KCNK10: variants seen among roughly 807,000 people sequenced by gnomAD.
The protein encoded by KCNK10 is potassium channel subfamily K member 10.
A neutral mutation model predicts 47.7 loss-of-function variants in KCNK10; 25 were observed. The ratio of observed to expected loss-of-function variants is 0.52; its 90% CI spans 0.38 to 0.73. KCNK10 has a LOEUF of 0.73. Among genes scored for constraint, KCNK10 ranks in the 30% least tolerant of loss-of-function variants. The pLI is 0.00. For missense variants in KCNK10, 563 were observed against 714.5 expected, an observed-to-expected ratio of 0.79 and a Z score of 2.42; for synonymous variants, 303 against 285.6, an observed-to-expected ratio of 1.06 and a Z score of -0.61.
At chr14:88,290,970 G>A (rs115232867) in intron 1 of KCNK10, among the ~76,000 whole-genome samples, 1,676 of 152,326 alleles carry the variant, frequency 0.011, 37 homozygotes, top group African/African-American at 0.038. Flanking sequence ...TGGCAGAACC[G>A]TGCTGTGGGA....
At chr14:88,270,244 G>C (rs1887370309) in intron 1 of KCNK10, among the ~76,000 whole-genome samples, 1 of 152,184 alleles carries the variant, frequency 6.6e-6, no homozygotes, top group Non-Finnish European at 1.5e-5. Context: ...GGGGAGGGAG[G>C]GTGTTAGGAA....
Position 88,185,625 on chromosome 14 carries a change from C to A in KCNK10, c.1542G>T (p.Gln514His), listed in dbSNP as rs1269715260. The A allele has an allele frequency of 8.1e-5, 131 of 1,614,088 alleles. No individual in the cohort carries two copies. Among genetic ancestry groups the A allele is most frequent in the Non-Finnish European group, 1.1e-4 (130 of 1,180,026 alleles). The part of the protein sequence containing the change: ...SSTAMLTDCI[Q>H]QHAELENGMI... ...TTCCGTTCTCCAACTCAGCGTGCTG[C>A]TGGATACAGTCCGTCAGCATGGCTG... The change falls in exon 7 of 7, where the codon CAG becomes CAT. Residue 514 changes from glutamine (Q) to histidine (H), a missense_variant. By Grantham distance (24) the Gln-to-His change is conservative. Coordinates refer to ENST00000319231, the MANE Select transcript of KCNK10 (RefSeq NM_138317.3). The surrounding 1 kb of genome is among the most constrained non-coding windows in gnomAD (Gnocchi z 4.3).
At chr14:88,212,117 T>TATATATATATATATATAC (rs2139852479) in intron 4 of KCNK10, among the ~76,000 whole-genome samples, 1 of 73,210 alleles carries the variant, frequency 1.4e-5, no homozygotes, top group South Asian at 3.3e-4. Context: ...AGAATATATA[T>TATATATATATATATATAC]ATATATATAT....
rs1186132501 is a variant in KCNK10 at position 88,322,859 on chromosome 14, G to C, written c.-61C>G. ...ACCCAAATAATAATAAAGTCCTCAA[G>C]CTTTACACGCCTCGGTTTAGCAGTC... is the stretch of plus-strand genomic sequence containing the variant. On this transcript the variant is annotated 5_prime_UTR_variant, in exon 1 of 7. Transcript: ENST00000319231. This position sits in a 1 kb window ranked among gnomAD's most constrained non-coding sequence, Gnocchi z 4.8. The C allele has an allele frequency of 3.1e-6, 5 of 1,612,808 alleles. No homozygotes were observed. The Admixed American group carries it at 6.7e-5, about 22-fold the overall frequency.
At chr14:88,249,858 AT>A (rs1886745678) in intron 2 of KCNK10, among the ~76,000 whole-genome samples, 1 of 152,140 alleles carries the variant, frequency 6.6e-6, no homozygotes, top group South Asian at 2.1e-4. Context: ...GGCATCTTGC[AT>A]TTTTTATTGT....
chr14:88,320,867 C>G lies in KCNK10; in HGVS notation c.52+1880G>C, dbSNP rs188208172. ...TTAGATAAATACTATACTCTTCCAA[C>G]CCCACAATGCTACCCCACCTCCAAC... On this transcript the variant is annotated intron_variant, in intron 1 of 6. Coordinates refer to ENST00000319231, the MANE Select transcript of KCNK10 (RefSeq NM_138317.3). Among the ~76,000 whole-genome samples, 97 of 152,256 alleles carry G rather than the reference C, an allele frequency of 6.4e-4. 3 individuals carry two copies. The East Asian group carries it at 0.019, about 29-fold the overall frequency.
chr14:88,228,960 G>C (rs1227691984), intron 3 of KCNK10, among the ~76,000 whole-genome samples: 2 of 152,074 alleles, frequency 1.3e-5, no homozygotes, highest in Non-Finnish European at 2.9e-5. Context: ...TACCCCTCTA[G>C]AATGGTCAAG....
chr14:88,262,622 G>A (rs1478530611), intron 2 of KCNK10, among the ~76,000 whole-genome samples: 1 of 152,064 alleles, frequency 6.6e-6, no homozygotes, highest in Non-Finnish European at 1.5e-5. Flanking sequence ...GTATGTAAAG[G>A]CCTTAGTACA....
At chr14:88,323,365 C>G (rs1595137814), upstream of KCNK10, 1 of 914,086 alleles carries the variant, frequency 1.1e-6, no homozygotes, top group East Asian at 1.2e-4. Context: ...ACTTCCCGCT[C>G]CCCGAAAGCC....
intron 2 of KCNK10, among the ~76,000 whole-genome samples, chr14:88,258,799 T>G (rs558348961): frequency 1.2e-4 from 19 of 152,318 alleles, no homozygotes; most frequent in Non-Finnish European, 2.6e-4. Flanking sequence ...CAGTACCCCA[T>G]GAAGTGGTCT....
At chr14:88,261,311 CACA>C (rs1243410916) in intron 2 of KCNK10, among the ~76,000 whole-genome samples, 1 of 152,194 alleles carries the variant, frequency 6.6e-6, no homozygotes, top group African/African-American at 2.4e-5. Context: ...TACCTCATAT[CACA>C]ACAATGTGTA....
At chr14:88,305,347 T>C (rs1888183924) in intron 1 of KCNK10, among the ~76,000 whole-genome samples, 1 of 152,172 alleles carries the variant, frequency 6.6e-6, no homozygotes, top group South Asian at 2.1e-4. Context: ...TTACCATAAA[T>C]GATGAGAATC....
intron 2 of KCNK10, among the ~76,000 whole-genome samples, chr14:88,252,448 G>A (rs939406929): frequency 1.3e-5 from 2 of 152,162 alleles, no homozygotes; most frequent in African/African-American, 4.8e-5. Flanking sequence ...TGAGTGACTC[G>A]GGTCTTGGCA....
At chr14:88,187,077 C>T (rs1158019672) in intron 6 of KCNK10, among the ~76,000 whole-genome samples, 1 of 152,202 alleles carries the variant, frequency 6.6e-6, no homozygotes, top group Non-Finnish European at 1.5e-5. Flanking sequence ...GGTCAGTTAG[C>T]TGTCTGGGGA....
At chr14:88,309,700 G>A (rs780244201) in intron 1 of KCNK10, among the ~76,000 whole-genome samples, 16 of 152,230 alleles carry the variant, frequency 1.1e-4, no homozygotes, top group Non-Finnish European at 1.8e-4. Flanking sequence ...TTAGCATTAC[G>A]GGTTCATAGA....
intron 1 of KCNK10, among the ~76,000 whole-genome samples, chr14:88,312,898 C>G (rs532699420): frequency 6.6e-6 from 1 of 152,176 alleles, no homozygotes; most frequent in Non-Finnish European, 1.5e-5. Flanking sequence ...CACTGTCTTT[C>G]TAGAATAATG....
At chr14:88,246,181 T>C (rs1312348641) in intron 2 of KCNK10, among the ~76,000 whole-genome samples, 2 of 144,122 alleles carry the variant, frequency 1.4e-5, no homozygotes, top group Non-Finnish European at 3.0e-5. Flanking sequence ...GAGAATGGCA[T>C]GAACCAGGGA....
chr14:88,258,073 T>G (rs1321146727), intron 2 of KCNK10, among the ~76,000 whole-genome samples: 1 of 151,834 alleles, frequency 6.6e-6, no homozygotes, highest in African/African-American at 2.4e-5. Context: ...CCCCATCCCA[T>G]TAAGAACCAC....
At chr14:88,310,578 G>A (rs933264113) in intron 1 of KCNK10, among the ~76,000 whole-genome samples, 22 of 152,136 alleles carry the variant, frequency 1.4e-4, no homozygotes, top group African/African-American at 5.3e-4. Flanking sequence ...TAGTACTGAG[G>A]CTGAATGCAG....
Sources: allele counts gnomAD v4.1 joint callset (sites outside exome capture counted in the v4.1 genomes callset), GRCh38; gene constraint gnomAD v4.1.1; non-coding constraint Gnocchi (gnomAD v3.1); transcripts MANE v1.5; gene names NCBI Gene and HGNC (gene_info 2026-07-23, HGNC 2026-07-21).